Variants in SPAG16 observed in about 807,000 individuals in gnomAD.
The protein encoded by SPAG16 is sperm-associated antigen 16 protein.
Under a neutral mutation model 80.4 loss-of-function variants are expected in SPAG16, and 86 were observed. The observed-to-expected ratio is 1.07, with a 90% CI of 0.90 to 1.28. The LOEUF (loss-of-function observed/expected upper bound fraction) is 1.28, where lower values mean the gene tolerates loss of function less well. Ranked by LOEUF, SPAG16 falls within the 50% of genes most tolerant of loss-of-function variation. The probability of loss-of-function intolerance (pLI) is 0.00; values close to 1 mark genes in which losing one functional copy is unlikely to be tolerated. For missense variants in SPAG16, 870 were observed against 765.3 expected (o/e 1.14, Z -1.61); for synonymous variants, 294 against 265.9 (o/e 1.11, Z -1.03).
chr2:213,402,082 A>T (rs948406296), intron 9 of SPAG16, among the ~76,000 whole-genome samples: 7 of 151,978 alleles, frequency 4.6e-5, no homozygotes, highest in Non-Finnish European at 1.0e-4. Flanking sequence ...TTATCTACAA[A>T]TTTACTAATT....
intron 15 of SPAG16, among the ~76,000 whole-genome samples, chr2:214,323,329 TATA>T (rs771431802): frequency 0.025 from 3,744 of 150,086 alleles, 65 homozygotes; most frequent in Non-Finnish European, 0.034. Flanking sequence ...TAAATATATA[TATA>T]TATTTATTTA....
chr2:213,350,729 G>C (rs1012264786), intron 7 of SPAG16, 84 bp downstream of exon 7: 3 of 775,238 alleles, frequency 3.9e-6, no homozygotes, highest in Non-Finnish European at 6.0e-6. Flanking sequence ...TTTTGTTTCT[G>C]AGATTAATTT....
At chr2:214,008,065 T>C (rs2047109135) in intron 12 of SPAG16, among the ~76,000 whole-genome samples, 2 of 152,166 alleles carry the variant, frequency 1.3e-5, no homozygotes, top group African/African-American at 4.8e-5. Flanking sequence ...CCATGGTTTT[T>C]CAATATTTTT....
At chr2:213,586,170 T>C (rs2124888616) in intron 10 of SPAG16, among the ~76,000 whole-genome samples, 1 of 152,340 alleles carries the variant, frequency 6.6e-6, no homozygotes, top group Non-Finnish European at 1.5e-5. Context: ...AATAAAACAT[T>C]ACCTTTTCAA....
intron 10 of SPAG16, among the ~76,000 whole-genome samples, chr2:213,678,541 G>A (rs1411826484): frequency 6.6e-6 from 1 of 152,146 alleles, no homozygotes; most frequent in African/African-American, 2.4e-5. Flanking sequence ...AAATCTTGCT[G>A]CTCTTAACCA....
intron 3 of SPAG16, among the ~76,000 whole-genome samples, chr2:213,304,653 G>C (rs1423319997): frequency 6.6e-6 from 1 of 152,078 alleles, no homozygotes; most frequent in Non-Finnish European, 1.5e-5. Context: ...CCTAATGTAT[G>C]TTCTTGATAC....
intron 10 of SPAG16, among the ~76,000 whole-genome samples, chr2:213,814,876 T>C (rs1575214828): frequency 6.6e-6 from 1 of 151,556 alleles, no homozygotes; most frequent in South Asian, 2.1e-4. Context: ...GCCTTAAATA[T>C]ATATATATAT....
chr2:213,832,091 G>A (rs2073698579), intron 10 of SPAG16, among the ~76,000 whole-genome samples: 1 of 151,896 alleles, frequency 6.6e-6, no homozygotes, highest in South Asian at 2.1e-4. Flanking sequence ...CCTTCCCCCC[G>A]GGTTCAAGTG....
At chr2:213,589,170 G>A (rs1231142265) in intron 10 of SPAG16, among the ~76,000 whole-genome samples, 1 of 152,194 alleles carries the variant, frequency 6.6e-6, no homozygotes, top group East Asian at 1.9e-4. Context: ...TTATGTTCAT[G>A]TATGAAGTTT....
intron 15 of SPAG16, among the ~76,000 whole-genome samples, chr2:214,150,462 A>G (rs2055921685): frequency 6.6e-6 from 1 of 152,054 alleles, no homozygotes; most frequent in African/African-American, 2.4e-5. Context: ...AGTCTCAACT[A>G]TGGGAATTTC....
intron 14 of SPAG16, among the ~76,000 whole-genome samples, chr2:214,144,547 A>G (rs2055535317): frequency 6.6e-6 from 1 of 152,170 alleles, no homozygotes; most frequent in South Asian, 2.1e-4. Flanking sequence ...CTGCTAAACA[A>G]ACAAAACAAA....
chr2:213,971,130 T>C (rs549167639), intron 12 of SPAG16, among the ~76,000 whole-genome samples: 268 of 152,300 alleles, frequency 1.8e-3, no homozygotes, highest in African/African-American at 6.3e-3. Context: ...TAAAGTTATA[T>C]AGTTTATTTC....
At chr2:214,377,895 T>C (rs1346483926) in intron 15 of SPAG16, among the ~76,000 whole-genome samples, 3 of 152,212 alleles carry the variant, frequency 2.0e-5, no homozygotes, top group African/African-American at 7.2e-5. Flanking sequence ...TGTTACTTTA[T>C]CTGGTGAGAG....
At chr2:214,079,377 G>A (rs2051248994) in intron 13 of SPAG16, among the ~76,000 whole-genome samples, 1 of 152,024 alleles carries the variant, frequency 6.6e-6, no homozygotes, top group Non-Finnish European at 1.5e-5. Context: ...TCACAATCTG[G>A]TAAAGAAAAG....
intron 10 of SPAG16, among the ~76,000 whole-genome samples, chr2:213,521,788 C>G (rs768741112): frequency 6.6e-6 from 1 of 152,186 alleles, no homozygotes; most frequent in Non-Finnish European, 1.5e-5. Flanking sequence ...ATTTATAGTA[C>G]TCCCATGCTG....
intron 10 of SPAG16, among the ~76,000 whole-genome samples, chr2:213,677,009 G>A (rs998946620): frequency 2.0e-5 from 3 of 151,576 alleles, no homozygotes; most frequent in Non-Finnish European, 4.4e-5. Flanking sequence ...AATCCATCTG[G>A]TCCTGGACTC....
At chr2:213,896,592 G>GTGCACACACA (rs1553657367) in intron 11 of SPAG16, among the ~76,000 whole-genome samples, 1 of 111,878 alleles carries the variant, frequency 8.9e-6, no homozygotes, top group Non-Finnish European at 1.9e-5. Flanking sequence ...ACACACACAC[G>GTGCACACACA]CACACACACA....
intron 15 of SPAG16, among the ~76,000 whole-genome samples, chr2:214,375,474 C>T (rs565073204): frequency 4.7e-4 from 71 of 152,098 alleles, no homozygotes; most frequent in Non-Finnish European, 1.0e-3. Context: ...TCTCCTACAG[C>T]GAATAGTCTC....
intron 11 of SPAG16, among the ~76,000 whole-genome samples, chr2:213,921,664 G>T (rs1232464599): frequency 6.6e-6 from 1 of 152,154 alleles, no homozygotes; most frequent in East Asian, 1.9e-4. Flanking sequence ...TGTAGTGGCT[G>T]ATAATGATCT....
Sources: gnomAD v4.1 joint callset for allele counts (sites outside exome capture counted in the v4.1 genomes callset) on GRCh38, gnomAD v4.1.1 for gene constraint, MANE v1.5 for transcripts, NCBI Gene and HGNC (gene_info 2026-07-23, HGNC 2026-07-21) for gene names.